STOX1: variants seen among roughly 807,000 people sequenced by gnomAD.
STOX1 encodes the protein storkhead box 1.
In STOX1, 57 loss-of-function variants were observed where a neutral mutation model predicts 74.8. The observed-to-expected ratio is 0.76, with a 90% confidence interval of 0.62 to 0.95. STOX1 has a LOEUF of 0.95. Ranked by LOEUF, STOX1 falls within the 40% of genes least tolerant of loss-of-function variation. STOX1 has a pLI of 0.00. For missense variants in STOX1, 1,010 were observed against 1,117.0 expected, an observed-to-expected ratio of 0.90 and a Z score of 1.37; for synonymous variants, 375 against 401.3, an observed-to-expected ratio of 0.93 and a Z score of 0.78.
At chr10:68,835,379 T>C (rs1004352617) in intron 1 of STOX1, among the ~76,000 whole-genome samples, 1 of 152,036 alleles carries the variant, frequency 6.6e-6, no homozygotes. Context: ...GGTTTCACTC[T>C]GTCATCCAGG....
At chr10:68,828,395 G>A in intron 1 of STOX1, 1 of 755,288 alleles carries the variant, frequency 1.3e-6, no homozygotes, top group Non-Finnish European at 1.7e-6. Flanking sequence ...AGGGCCCGGG[G>A]GCTGCGGTTG....
At chr10:68,852,251 T>TC (rs1840005439) in intron 1 of STOX1, among the ~76,000 whole-genome samples, 1 of 136,310 alleles carries the variant, frequency 7.3e-6, no homozygotes, top group Non-Finnish European at 1.6e-5. Context: ...TCTTACTGCT[T>TC]TTTTTTTTTT....
intron 2 of STOX1, among the ~76,000 whole-genome samples, chr10:68,882,999 A>G (rs74796874): frequency 9.5e-4 from 144 of 152,280 alleles, no homozygotes; most frequent in Middle Eastern, 3.4e-3. Context: ...GGTTGAAGCA[A>G]TCCACCTGCC....
chr10:68,863,741 G>A (rs539975207), intron 1 of STOX1, among the ~76,000 whole-genome samples: 9 of 152,122 alleles, frequency 5.9e-5, no homozygotes, highest in African/African-American at 1.9e-4. Context: ...GTATGGAATC[G>A]TAACTGAGCA....
rs572920995 is a variant in STOX1 at position 68,868,196 on chromosome 10, T to C, written c.311-13762T>C. On this transcript the variant is annotated intron_variant, in intron 1 of 3. Coordinates refer to ENST00000298596, the MANE Select transcript of STOX1 (RefSeq NM_152709.5). ...AGGAATAAAGACACAGACAGAGAAATAGAGTGCAAAGTGGGATCGGGGGGC... is the reference window on the plus strand; with the variant it reads ...AGGAATAAAGACACAGACAGAGAAACAGAGTGCAAAGTGGGATCGGGGGGC... 1.3e-4 allele frequency among the ~76,000 whole-genome samples: 20 copies of C among 152,250 alleles called. 1 individual carries two copies. The South Asian group carries it at 3.1e-3, about 24-fold the overall frequency.
intron 1 of STOX1, among the ~76,000 whole-genome samples, chr10:68,839,132 A>T (rs1373302794): frequency 6.6e-6 from 1 of 152,212 alleles, no homozygotes; most frequent in Non-Finnish European, 1.5e-5. Flanking sequence ...ATTCAATGCA[A>T]TCCCTATCAA....
In STOX1 at chr10:68,885,387, T is replaced by C. The variant is rs2131997344; in HGVS notation, c.1591T>C (p.Phe531Leu). Reference protein sequence around the residue: ...PSQTGPKEKPFQKPRSLDSSR... With the variant: ...PSQTGPKEKPLQKPRSLDSSR... The stretch of plus-strand genomic sequence containing the variant: ...CCAGACTGGACCAAAGGAAAAGCCT[T>C]TCCAAAAGCCTAGGTCCTTGGATTC... Residue 531 changes from phenylalanine to leucine, a missense_variant, in exon 3 of 4, where the codon TTC becomes CTC. Coordinates refer to ENST00000298596, the MANE Select transcript of STOX1 (RefSeq NM_152709.5). 1 of 1,614,152 alleles carries C rather than the reference T, an allele frequency of 6.2e-7. No homozygotes were observed. Among genetic ancestry groups the C allele is most frequent in the South Asian group, 1.1e-5 (1 of 91,082 alleles).
chr10:68,873,140 G>A (rs1048738142), intron 1 of STOX1, among the ~76,000 whole-genome samples: 1 of 151,926 alleles, frequency 6.6e-6, no homozygotes, highest in Non-Finnish European at 1.5e-5. Flanking sequence ...CTGCCAAAAT[G>A]TTGGGGTTGC....
In STOX1 at chr10:68,864,213, C is replaced by T. The variant is rs375289373; in HGVS notation, c.311-17745C>T. Reference sequence around the variant, plus strand: ...TGTTGGGATTACAGGCGTGAGCCACCGCACCCGGCCAAGTTCTGCTTTTTG... The same window carrying T: ...TGTTGGGATTACAGGCGTGAGCCACTGCACCCGGCCAAGTTCTGCTTTTTG... On this transcript the variant is annotated intron_variant, in intron 1 of 3. Coordinates refer to ENST00000298596, the MANE Select transcript of STOX1 (RefSeq NM_152709.5). Among the ~76,000 whole-genome samples, 61 of 152,214 alleles carry T rather than the reference C, an allele frequency of 4.0e-4. No individual in the cohort carries two copies. In the South Asian group the frequency reaches 9.7e-3, roughly 24 times the overall value.
intron 1 of STOX1, among the ~76,000 whole-genome samples, chr10:68,857,791 A>G (rs1054122515): frequency 1.3e-5 from 2 of 152,024 alleles, no homozygotes; most frequent in Admixed American, 6.6e-5. Flanking sequence ...CTGGGCTGCC[A>G]GGCTGGAGCC....
Position 68,885,491 on chromosome 10 carries a change from C to T in STOX1, c.1695C>T (p.Tyr565=). 1 of 1,614,220 alleles carries T rather than the reference C, an allele frequency of 6.2e-7. No individual in the cohort carries two copies. The highest frequency in any genetic ancestry group is 8.5e-7 in the Non-Finnish European group (1 of 1,180,040). Reference sequence around the variant, plus strand: ...ATAAAATGGAAGCAGAATCCATTTACATAAATGACCCTACTGTCAAACCCA... The same window carrying T: ...ATAAAATGGAAGCAGAATCCATTTATATAAATGACCCTACTGTCAAACCCA... ...PNDKMEAESI[Y]INDPTVKPIN... The change falls in exon 3 of 4, where the codon TAC becomes TAT. Residue 565 remains tyrosine, a synonymous_variant. Coordinates refer to ENST00000298596, the MANE Select transcript of STOX1 (RefSeq NM_152709.5).
chr10:68,837,542 A>G (rs1839585787), intron 1 of STOX1, among the ~76,000 whole-genome samples: 1 of 152,258 alleles, frequency 6.6e-6, no homozygotes, highest in South Asian at 2.1e-4. Flanking sequence ...TACATGATAT[A>G]CATGGCAGAT....
intron 1 of STOX1, among the ~76,000 whole-genome samples, chr10:68,864,841 C>T (rs1297346159): frequency 6.6e-6 from 1 of 152,222 alleles, no homozygotes; most frequent in African/African-American, 2.4e-5. Flanking sequence ...ACAGATTACT[C>T]ATGGCATAAG....
intron 1 of STOX1, among the ~76,000 whole-genome samples, chr10:68,878,292 A>G (rs1023163211): frequency 1.3e-5 from 2 of 152,208 alleles, no homozygotes; most frequent in South Asian, 4.1e-4. Flanking sequence ...AAGCCAAGAA[A>G]GTAAAACTCA....
chr10:68,889,653 T>C (rs572343135), intron 3 of STOX1, among the ~76,000 whole-genome samples: 45 of 152,306 alleles, frequency 3.0e-4, no homozygotes, highest in Non-Finnish European at 5.4e-4. Context: ...AACCTCTGCT[T>C]CCTGGGTTCA....
chr10:68,830,088 G>A (rs1839366801), intron 1 of STOX1, among the ~76,000 whole-genome samples: 1 of 152,164 alleles, frequency 6.6e-6, no homozygotes, highest in Non-Finnish European at 1.5e-5. Flanking sequence ...TAATGCCCCA[G>A]TGAGCAGTGG....
At chr10:68,839,889 AAAACAAAACAAAAACCACACACACAC>A (rs1351363316) in intron 1 of STOX1, among the ~76,000 whole-genome samples, 1 of 152,146 alleles carries the variant, frequency 6.6e-6, no homozygotes, top group African/African-American at 2.4e-5. Context: ...AAAACAAAAC[AAAACAAAACAAAAACCACACACACAC>A]AAACAAAACA....
At chr10:68,829,167 G>A (rs1839342905) in intron 1 of STOX1, among the ~76,000 whole-genome samples, 1 of 152,214 alleles carries the variant, frequency 6.6e-6, no homozygotes, top group Admixed American at 6.5e-5. Flanking sequence ...CGAGGAGAAG[G>A]AGTCGCAAAT....
At chr10:68,864,392 A>G (rs140874874) in intron 1 of STOX1, among the ~76,000 whole-genome samples, 3 of 152,336 alleles carry the variant, frequency 2.0e-5, no homozygotes, top group African/African-American at 7.2e-5. Flanking sequence ...AAAAATTGAA[A>G]CAGTTTTGTG....
Sources: allele counts gnomAD v4.1 joint callset (sites outside exome capture counted in the v4.1 genomes callset), GRCh38; gene constraint gnomAD v4.1.1; transcripts MANE v1.5; gene names NCBI Gene and HGNC (gene_info 2026-07-23, HGNC 2026-07-21).